CCDC170: variants seen among roughly 807,000 people sequenced by gnomAD.
CCDC170 encodes the protein coiled-coil domain-containing protein 170.
Under a neutral mutation model 72.6 loss-of-function variants are expected in CCDC170, and 69 were observed. The observed-to-expected ratio is 0.95, with a 90% CI of 0.78 to 1.16. The LOEUF is 1.16. Among genes scored for constraint, CCDC170 ranks in the 50% most tolerant of loss-of-function variants. The pLI is 0.00. For synonymous variants in CCDC170, 300 were observed against 303.9 expected, an observed-to-expected ratio of 0.99 and a Z score of 0.13; for missense variants, 852 against 832.5, an observed-to-expected ratio of 1.02 and a Z score of -0.29.
In CCDC170 at chr6:151,615,652, G is replaced by A; in HGVS notation, c.1920G>A (p.Leu640=). ...AAATGAAGACACTAAAAAAATCTCT[G>A]GAAGAAGCAGAAAAGAGAGAAAAGC... ...TSEMKTLKKS[L]EEAEKREKQL... Residue 640 remains leucine, a synonymous_variant, in exon 10 of 11, where the codon CTG becomes CTA. Coordinates refer to ENST00000239374, the MANE Select transcript of CCDC170 (RefSeq NM_025059.4). 6.2e-7 allele frequency: 1 copy of A among 1,613,802 alleles called. No homozygotes were observed. Among genetic ancestry groups the A allele is most frequent in the Non-Finnish European group, 8.5e-7 (1 of 1,179,842 alleles).
intron 7 of CCDC170, among the ~76,000 whole-genome samples, chr6:151,590,132 T>C (rs1344425977): frequency 6.6e-6 from 1 of 152,166 alleles, no homozygotes; most frequent in Non-Finnish European, 1.5e-5. Flanking sequence ...CTTACCTATC[T>C]TTCCTTTTGC....
chr6:151,557,076 G>A (rs189046365), intron 5 of CCDC170, among the ~76,000 whole-genome samples: 30 of 152,030 alleles, frequency 2.0e-4, no homozygotes, highest in African/African-American at 7.2e-4. Context: ...TTTTTTAATG[G>A]TTTAATAGTA....
At chr6:151,515,988 C>A (rs1425617799) in intron 1 of CCDC170, among the ~76,000 whole-genome samples, 1 of 151,840 alleles carries the variant, frequency 6.6e-6, no homozygotes. Context: ...ATCACTTGAA[C>A]CCTGGAGGCA....
chr6:151,501,461 A>C (rs1781993962), intron 1 of CCDC170, among the ~76,000 whole-genome samples: 1 of 152,084 alleles, frequency 6.6e-6, no homozygotes. Context: ...GCATATAGAA[A>C]CTCTGTTTTG....
intron 10 of CCDC170, 56 bp downstream of exon 10, chr6:151,615,735 A>G: frequency 8.2e-7 from 1 of 1,216,276 alleles, no homozygotes; most frequent in Non-Finnish European, 1.2e-6. Context: ...ACAATTCAAG[A>G]GCTTGATATT....
intron 9 of CCDC170, among the ~76,000 whole-genome samples, chr6:151,605,237 A>G (rs1402599095): frequency 2.0e-5 from 3 of 152,186 alleles, no homozygotes. Context: ...ATGCTTTATT[A>G]TGGTAGAATA....
chr6:151,552,779 CTTTTTTTT>C (rs71014597), intron 5 of CCDC170, among the ~76,000 whole-genome samples: 24 of 56,768 alleles, frequency 4.2e-4, no homozygotes, highest in African/African-American at 8.0e-4. Context: ...TCAGCCAATT[CTTTTTTTT>C]TTTTTTTTTT....
At chr6:151,540,467 C>A (rs1277211980) in intron 3 of CCDC170, among the ~76,000 whole-genome samples, 1 of 141,782 alleles carries the variant, frequency 7.1e-6, no homozygotes, top group Non-Finnish European at 1.5e-5. Flanking sequence ...CTCACTGCAA[C>A]CTCCGCCTCC....
chr6:151,544,620 T>C lies in CCDC170; in HGVS notation c.492T>C (p.Asn164=), dbSNP rs549230150. ...NEENKKQVSK[N]CRKHEEFLTQ... ...AGAATAAGAAACAAGTTTCAAAGAA[T>C]TGCAGGAAACATGAGGAATTTCTGA... is the stretch of plus-strand genomic sequence containing the variant. The change falls in exon 4 of 11, where the codon AAT becomes AAC. Residue 164 remains asparagine (N), a synonymous_variant. Coordinates refer to ENST00000239374, the MANE Select transcript of CCDC170 (RefSeq NM_025059.4). The C allele has an allele frequency of 1.2e-6, 2 of 1,613,638 alleles. No homozygotes were observed. The highest frequency in any genetic ancestry group is 2.2e-5 in the East Asian group (1 of 44,854).
At chr6:151,563,864 C>T (rs1203681402) in intron 5 of CCDC170, among the ~76,000 whole-genome samples, 3 of 152,166 alleles carry the variant, frequency 2.0e-5, no homozygotes, top group Admixed American at 6.5e-5. Context: ...CAATCTCTGC[C>T]AGCCTCTTGT....
intron 5 of CCDC170, among the ~76,000 whole-genome samples, chr6:151,555,785 A>G (rs903794407): frequency 3.3e-4 from 50 of 152,242 alleles, no homozygotes; most frequent in Non-Finnish European, 5.3e-4. Flanking sequence ...AAGGACATTT[A>G]TTATGGATTT....
intron 1 of CCDC170, among the ~76,000 whole-genome samples, chr6:151,521,860 C>G (rs1782321459): frequency 2.0e-5 from 3 of 152,042 alleles, no homozygotes; most frequent in African/African-American, 7.2e-5. Flanking sequence ...GTGGCAGGCC[C>G]CTGTAGTCCC....
Position 151,525,716 on chromosome 6 carries a change from T to C in CCDC170, c.58-10602T>C, listed in dbSNP as rs561230210. 3.3e-5 allele frequency among the ~76,000 whole-genome samples: 5 copies of C among 152,306 alleles called. No individual in the cohort carries two copies. The South Asian group carries it at 1.0e-3, about 32-fold the overall frequency. On this transcript the variant is annotated intron_variant, in intron 1 of 10. Coordinates refer to ENST00000239374, the MANE Select transcript of CCDC170 (RefSeq NM_025059.4). ...GCACCCAGGTGATTAAAAAGCTTTATTGCTCACACAAAGCCTGTTGGGTGG... is the reference window on the plus strand; with the variant it reads ...GCACCCAGGTGATTAAAAAGCTTTACTGCTCACACAAAGCCTGTTGGGTGG...
At chr6:151,544,788 G>A in intron 4 of CCDC170, 72 bp downstream of exon 4, 1 of 1,500,640 alleles carries the variant, frequency 6.7e-7, no homozygotes, top group East Asian at 2.3e-5. Flanking sequence ...AGGAAGTGCT[G>A]TGGTTGAGTT....
intron 5 of CCDC170, among the ~76,000 whole-genome samples, chr6:151,562,525 A>T (rs9383925): frequency 2.6e-5 from 4 of 152,114 alleles, no homozygotes; most frequent in Non-Finnish European, 5.9e-5. Context: ...TGGTGGCTTT[A>T]TCAGACCATG....
chr6:151,596,303 T>TAAAAA, intron 8 of CCDC170, 32 bp from the exon 9 acceptor site: 1 of 1,441,484 alleles, frequency 6.9e-7, no homozygotes, highest in South Asian at 1.3e-5. Context: ...GTTCAATTAT[T>TAAAAA]AAAAAAAAAA....
rs558383542 is a variant in CCDC170 at position 151,522,779 on chromosome 6, C to G, written c.58-13539C>G. ...TGCTATTCCTTTTGTGGCACTGAAA[C>G]TTTATAACAACCTTGCATATAAACA... On this transcript the variant is annotated intron_variant, in intron 1 of 10. Transcript: ENST00000239374. 4.6e-5 allele frequency among the ~76,000 whole-genome samples: 7 copies of G among 152,286 alleles called. No homozygotes were observed. The East Asian group carries it at 1.3e-3, about 29-fold the overall frequency.
At position 151,568,105 on chromosome 6, in the gene CCDC170, GAAAA is replaced by G. The variant is rs771627857; in HGVS notation, c.775-5046_775-5043del. Among the ~76,000 whole-genome samples, 192 of 38,268 alleles carry G rather than the reference GAAAA, an allele frequency of 5.0e-3. 1 individual carries two copies. Among genetic ancestry groups the G allele is most frequent in the African/African-American group, 0.015 (171 of 11,668 alleles). The allele number at this position is 38,268 out of a possible 152,430, so 25.1% of individuals were successfully genotyped here. Reference sequence around the variant, plus strand: ...AGCCTGGGCGACAGAGTGAGACTCTGAAAAAAAAAAAAAAAAAAAAAAAAAAGGG... The same window carrying G: ...AGCCTGGGCGACAGAGTGAGACTCTGAAAAAAAAAAAAAAAAAAAAAAGGG... On this transcript the variant is annotated intron_variant, in intron 5 of 10. Transcript: ENST00000239374.
intron 1 of CCDC170, among the ~76,000 whole-genome samples, chr6:151,530,884 T>G (rs1488335713): frequency 1.3e-5 from 2 of 152,214 alleles, no homozygotes; most frequent in Non-Finnish European, 2.9e-5. Flanking sequence ...TGTTAGTTCT[T>G]CTATAGATGT....
Sources: gnomAD v4.1 joint callset for allele counts (sites outside exome capture counted in the v4.1 genomes callset) on GRCh38, gnomAD v4.1.1 for gene constraint, MANE v1.5 for transcripts, NCBI Gene and HGNC (gene_info 2026-07-23, HGNC 2026-07-21) for gene names.